Variants in FUCA2 observed in about 807,000 individuals in gnomAD.
The protein encoded by FUCA2 is alpha-L-fucosidase 2, also known as plasma alpha-L-fucosidase.
Under a neutral mutation model 52.6 loss-of-function variants are expected in FUCA2, and 41 were observed. That is an observed-to-expected ratio of 0.78 (90% CI 0.61 to 1.01). The LOEUF is 1.01. Ranked by LOEUF, FUCA2 falls within the 50% of genes least tolerant of loss-of-function variation. The probability of loss-of-function intolerance (pLI) is 0.00; values close to 1 mark genes in which losing one functional copy is unlikely to be tolerated. For synonymous variants in FUCA2, 211 were observed against 217.3 expected (o/e 0.97, Z 0.26); for missense variants, 507 against 569.5 (o/e 0.89, Z 1.12).
At position 143,511,564 on chromosome 6, in the gene FUCA2, G is replaced by A. The variant is rs747612030; in HGVS notation, c.71C>T (p.Pro24Leu). 6.8e-5 allele frequency: 107 copies of A among 1,566,628 alleles called. No homozygotes were observed. The Middle Eastern group carries it at 1.7e-3, about 24-fold the overall frequency. The change falls in exon 1 of 7, where the codon CCG becomes CTG. Residue 24 changes from proline to leucine, a missense_variant. Transcript: ENST00000002165. The surrounding 1 kb of genome is among the most constrained non-coding windows in gnomAD (Gnocchi z 6.3). ...CGTGGCGCTGTGGGCAGGGCACGGC[G>A]GCGGCGGCAGCAGCAGCAACAGCAA... ...LLLLLLLLPP[P>L]PCPAHSATRF...
intron 5 of FUCA2, among the ~76,000 whole-genome samples, chr6:143,498,632 G>A (rs535513979): frequency 1.3e-5 from 2 of 152,270 alleles, no homozygotes; most frequent in East Asian, 3.9e-4. Context: ...GGAGGGTGAT[G>A]GCAGATAAGA....
Position 143,504,080 on chromosome 6 carries a change from T to C in FUCA2, c.585A>G (p.Glu195=). Reference sequence around the variant, plus strand: ...ATTGCCGCTTATGGAATGAACTGGATTCATCCTCAAGGAAGAGCGGATGAA... The same window carrying C: ...ATTGCCGCTTATGGAATGAACTGGACTCATCCTCAAGGAAGAGCGGATGAA... ...EWFHPLFLED[E]SSSFHKRQFP... Residue 195 remains glutamate, a synonymous_variant, in exon 3 of 7, where the codon GAA becomes GAG. Coordinates refer to ENST00000002165, the MANE Select transcript of FUCA2 (RefSeq NM_032020.5). The surrounding 1 kb of genome is among the most constrained non-coding windows in gnomAD (Gnocchi z 4.4). The C allele has an allele frequency of 6.2e-7, 1 of 1,614,184 alleles. No homozygotes were observed. Among genetic ancestry groups the C allele is most frequent in the South Asian group, 1.1e-5 (1 of 91,082 alleles).
At position 143,502,197 on chromosome 6, in the gene FUCA2, A is replaced by G; in HGVS notation, c.964-75T>C. 1.5e-6 allele frequency: 2 copies of G among 1,341,904 alleles called. No individual in the cohort carries two copies. Among genetic ancestry groups the G allele is most frequent in the South Asian group, 1.4e-5 (1 of 70,278 alleles). The allele number at this position is 1,341,904 out of a possible 1,614,324, so 83.1% of individuals were successfully genotyped here. ...TAATGTGCTAATATGTTGCATTTAT[A>G]TATTTATACATGTATATATAGTCAC... On this transcript the variant is annotated intron_variant, in intron 4 of 6. Coordinates refer to ENST00000002165, the MANE Select transcript of FUCA2 (RefSeq NM_032020.5). The surrounding 1 kb of genome is among the most constrained non-coding windows in gnomAD (Gnocchi z 4.1).
intron 2 of FUCA2, chr6:143,505,164 C>T (rs1261295027): frequency 6.6e-6 from 1 of 152,090 alleles, no homozygotes; most frequent in African/African-American, 2.4e-5. Context: ...AAAATTTCAT[C>T]AGTGCCTAGA....
At position 143,501,185 on chromosome 6, in the gene FUCA2, C is replaced by A. The variant is rs768559712; in HGVS notation, c.1154+747G>T. On this transcript the variant is annotated intron_variant, in intron 5 of 6. Coordinates refer to ENST00000002165, the MANE Select transcript of FUCA2 (RefSeq NM_032020.5). This position sits in a 1 kb window ranked among gnomAD's most constrained non-coding sequence, Gnocchi z 6.1. ...TCTCCCAGATCAACATTTTAAAATT[C>A]CACAATTATTTGCTCTGTCCAGATT... Among the ~76,000 whole-genome samples the A allele has an allele frequency of 1.1e-4, 17 of 152,084 alleles. No individual in the cohort carries two copies. Among genetic ancestry groups the A allele is most frequent in the Non-Finnish European group, 1.9e-4 (13 of 68,020 alleles).
At chr6:143,505,901 T>C (rs1780599899) in intron 2 of FUCA2, 2 of 152,172 alleles carry the variant, frequency 1.3e-5, no homozygotes, top group South Asian at 4.1e-4. Context: ...GGCTACATCA[T>C]CTCTCCTCAC....
chr6:143,506,917 T>A, intron 2 of FUCA2: 1 of 281,360 alleles, frequency 3.6e-6, no homozygotes, highest in South Asian at 4.8e-5. Flanking sequence ...AAGAGTGCAA[T>A]TCCAAGATGA....
Position 143,510,411 on chromosome 6 carries a change from G to A in FUCA2, c.224+1000C>T, listed in dbSNP as rs1028109111. 5.3e-5 allele frequency among the ~76,000 whole-genome samples: 8 copies of A among 151,930 alleles called. No individual in the cohort carries two copies. Among genetic ancestry groups the A allele is most frequent in the Admixed American group, 6.6e-5 (1 of 15,256 alleles). The stretch of plus-strand genomic sequence containing the variant: ...TGGAATTACAGGTATGAGCCACCGC[G>A]GATCACCTGAGGTCAGGAGTTCAAG... On this transcript the variant is annotated intron_variant, in intron 1 of 6. Transcript: ENST00000002165. This position sits in a 1 kb window ranked among gnomAD's most constrained non-coding sequence, Gnocchi z 4.4.
rs553970222 is a variant in FUCA2, at chr6:143,502,316, A to C, written c.963+39T>G. 2 of 1,579,276 alleles carry C rather than the reference A, an allele frequency of 1.3e-6. No homozygotes were observed. Among genetic ancestry groups the C allele is most frequent in the East Asian group, 4.5e-5 (2 of 44,674 alleles). On this transcript the variant is annotated intron_variant, in intron 4 of 6. Transcript: ENST00000002165. The surrounding 1 kb of genome is among the most constrained non-coding windows in gnomAD (Gnocchi z 4.1). ...TAATTCCTACATGACCACACTATTA[A>C]GAATATTATGTTAATAGCCACCAGA...
Position 143,502,209 on chromosome 6 carries a change from G to T in FUCA2, c.964-87C>A. On this transcript the variant is annotated intron_variant, in intron 4 of 6. Transcript: ENST00000002165. The surrounding 1 kb of genome is among the most constrained non-coding windows in gnomAD (Gnocchi z 4.1). The stretch of plus-strand genomic sequence containing the variant: ...ATGTTGCATTTATATATTTATACAT[G>T]TATATATAGTCACTGCCTAGAAGAA... The T allele has an allele frequency of 7.7e-7, 1 of 1,298,274 alleles. No individual in the cohort carries two copies. Among genetic ancestry groups the T allele is most frequent in the Non-Finnish European group, 1.1e-6 (1 of 938,694 alleles). The allele number at this position is 1,298,274 out of a possible 1,614,324, so 80.4% of individuals were successfully genotyped here.
In FUCA2 at chr6:143,502,553, G is replaced by C. The variant is rs375228394; in HGVS notation, c.765C>G (p.Gly255=). Residue 255 remains glycine (G), a synonymous_variant, in exon 4 of 7, where the codon GGC becomes GGG. Coordinates refer to ENST00000002165, the MANE Select transcript of FUCA2 (RefSeq NM_032020.5). This position sits in a 1 kb window ranked among gnomAD's most constrained non-coding sequence, Gnocchi z 4.1. ...CCCAACGATCATTGGTGACTACTGTGCCCCGAACTGGGCTGAAATGAAACA... is the reference window on the plus strand; with the variant it reads ...CCCAACGATCATTGGTGACTACTGTCCCCCGAACTGGGCTGAAATGAAACA... ...AWLYNESPVR[G]TVVTNDRWGA... is the part of the protein sequence containing the mutation. 2.2e-5 allele frequency: 36 copies of C among 1,613,344 alleles called. No homozygotes were observed. Among genetic ancestry groups the C allele is most frequent in the Non-Finnish European group, 2.8e-5 (33 of 1,179,772 alleles).
Position 143,511,041 on chromosome 6 carries a change from G to A in FUCA2, c.224+370C>T, listed in dbSNP as rs1780675486. On this transcript the variant is annotated intron_variant, in intron 1 of 6. Transcript: ENST00000002165. The surrounding 1 kb of genome is among the most constrained non-coding windows in gnomAD (Gnocchi z 6.3). ...GCAGGTAGCAGCAGAGCAACCATAG[G>A]CCATTGTGCCTGAGTCACCGCTCGT... Among the ~76,000 whole-genome samples the A allele has an allele frequency of 6.6e-6, 1 of 152,218 alleles. No homozygotes were observed. The highest frequency in any genetic ancestry group is 2.4e-5 in the African/African-American group (1 of 41,454).
In FUCA2 at chr6:143,499,602, A is replaced by T. The variant is rs927769398; in HGVS notation, c.1155-2105T>A. Reference sequence around the variant, plus strand: ...AAGATTTAGAGGTTGGAAAAATGAGATGAAATCAGCAAAGGAACTAACTAA... The same window carrying T: ...AAGATTTAGAGGTTGGAAAAATGAGTTGAAATCAGCAAAGGAACTAACTAA... On this transcript the variant is annotated intron_variant, in intron 5 of 6. Coordinates refer to ENST00000002165, the MANE Select transcript of FUCA2 (RefSeq NM_032020.5). The surrounding 1 kb of genome is among the most constrained non-coding windows in gnomAD (Gnocchi z 6.0). Among the ~76,000 whole-genome samples, 13 of 152,182 alleles carry T rather than the reference A, an allele frequency of 8.5e-5. No homozygotes were observed. The highest frequency in any genetic ancestry group is 4.4e-5 in the Non-Finnish European group (3 of 68,042).
In FUCA2 at chr6:143,497,338, C is replaced by G. The variant is rs748348067; in HGVS notation, c.1263+51G>C. On this transcript the variant is annotated intron_variant, in intron 6 of 6. Coordinates refer to ENST00000002165, the MANE Select transcript of FUCA2 (RefSeq NM_032020.5). This position sits in a 1 kb window ranked among gnomAD's most constrained non-coding sequence, Gnocchi z 5.3. ...TCCCCTTAAAAGTTAATGTTTGCAT[C>G]AAGATGTTCTAATCAGCAATTTAAA... 2 of 1,152,722 alleles carry G rather than the reference C, an allele frequency of 1.7e-6. No homozygotes were observed. The highest frequency in any genetic ancestry group is 2.6e-6 in the Non-Finnish European group (2 of 760,350). The allele number at this position is 1,152,722 out of a possible 1,614,324, so 71.4% of individuals were successfully genotyped here.
chr6:143,498,571 C>CAG (rs1381734317), intron 5 of FUCA2, among the ~76,000 whole-genome samples: 1 of 152,138 alleles, frequency 6.6e-6, no homozygotes, highest in African/African-American at 2.4e-5. Context: ...AGAGTGTGCT[C>CAG]TGCCTGTTGA....
intron 2 of FUCA2, chr6:143,505,747 G>A (rs983929682): frequency 9.2e-5 from 14 of 152,156 alleles, no homozygotes; most frequent in African/African-American, 3.4e-4. Context: ...CCTAATGTCA[G>A]ACAGTACTAA....
At chr6:143,498,494 A>C (rs1425255033) in intron 5 of FUCA2, among the ~76,000 whole-genome samples, 1 of 152,206 alleles carries the variant, frequency 6.6e-6, no homozygotes, top group Admixed American at 6.5e-5. Context: ...GAGCGCCATA[A>C]GAGCACCACG....
Position 143,495,722 on chromosome 6 carries a change from C to T in FUCA2, c.1389G>A (p.Leu463=), listed in dbSNP as rs8161. 579,021 of 1,612,924 alleles carry T rather than the reference C, an allele frequency of 0.36. 106,125 individuals carry two copies. Among genetic ancestry groups the T allele is most frequent in the East Asian group, 0.55 (24,686 of 44,848 alleles). ...CTGCTGCACTTTAGATCACATTAGTCAGGGCTAGAGCCCAGCCCCATTTAC... is the reference window on the plus strand; with the variant it reads ...CTGCTGCACTTTAGATCACATTAGTTAGGGCTAGAGCCCAGCCCCATTTAC... ...MPCKWGWALA[L]TNVI is the part of the protein sequence containing the mutation. Residue 463 remains leucine (L), a synonymous_variant, in exon 7 of 7, where the codon CTG becomes CTA. Transcript: ENST00000002165. The surrounding 1 kb of genome is among the most constrained non-coding windows in gnomAD (Gnocchi z 5.2).
At position 143,494,901 on chromosome 6, in the gene FUCA2, C is replaced by T. The variant is rs934238345; in HGVS notation, c.*806G>A. On this transcript the variant is annotated 3_prime_UTR_variant, in exon 7 of 7. Coordinates refer to ENST00000002165, the MANE Select transcript of FUCA2 (RefSeq NM_032020.5). The surrounding 1 kb of genome is among the most constrained non-coding windows in gnomAD (Gnocchi z 6.6). ...AAAAATTAAAACGTTTGTAAAGTTA[C>T]AGTACACTTATGTTAATTTATAATT... The T allele has an allele frequency of 6.6e-6, 1 of 152,288 alleles. No individual in the cohort carries two copies. The highest frequency in any genetic ancestry group is 1.9e-4 in the East Asian group (1 of 5,194). 9.4% of individuals were successfully genotyped at this position (152,288 alleles called of 1,614,324 possible).
Sources: gnomAD v4.1 joint callset for allele counts (sites outside exome capture counted in the v4.1 genomes callset) on GRCh38, gnomAD v4.1.1 for gene constraint, Gnocchi (gnomAD v3.1) non-coding constraint, MANE v1.5 for transcripts, NCBI Gene and HGNC (gene_info 2026-07-23, HGNC 2026-07-21) for gene names.